Variants in SPEG observed in about 807,000 individuals in gnomAD.
SPEG encodes striated muscle preferentially expressed protein kinase.
Under a neutral mutation model 300.4 loss-of-function variants are expected in SPEG, and 114 were observed. The ratio of observed to expected loss-of-function variants is 0.38; its 90% CI spans 0.33 to 0.44. The LOEUF (loss-of-function observed/expected upper bound fraction) is 0.44, where lower values mean the gene tolerates loss of function less well. Among genes scored for constraint, SPEG ranks in the 20% least tolerant of loss-of-function variants. The probability of loss-of-function intolerance (pLI) is 1.00; values close to 1 mark genes in which losing one functional copy is unlikely to be tolerated. For synonymous variants in SPEG, 1,964 were observed against 2,018.9 expected, an observed-to-expected ratio of 0.97 and a Z score of 0.73; for missense variants, 4,201 against 4,586.2, an observed-to-expected ratio of 0.92 and a Z score of 2.43.
Position 219,449,220 on chromosome 2 carries a change from G to A in SPEG, c.2062G>A (p.Ala688Thr), listed in dbSNP as rs1238658493. Reference sequence around the variant, plus strand: ...CTGGGGGCCCTGGGACCGCCGAGGGGCCCGCAGCCAGGGCAAAGGTCGCCG... The same window carrying A: ...CTGGGGGCCCTGGGACCGCCGAGGGACCCGCAGCCAGGGCAAAGGTCGCCG... ...GPWGPWDRRG[A>T]RSQGKGRRAR... The change falls in exon 4 of 41, where the codon GCC (alanine) becomes ACC (threonine). Residue 688 changes from alanine to threonine, a missense_variant. By Grantham distance (58) the Ala-to-Thr change is moderately conservative (BLOSUM62 0). This residue lies in a region of SPEG where 1,258 missense variants were observed against 1,293.9 expected (regional missense o/e 0.97). Coordinates refer to ENST00000312358, the MANE Select transcript of SPEG (RefSeq NM_005876.5). 1 of 1,393,600 alleles carries A rather than the reference G, an allele frequency of 7.2e-7. No individual in the cohort carries two copies. The highest frequency in any genetic ancestry group is 3.1e-5 in the East Asian group (1 of 32,622). 86.3% of individuals were successfully genotyped at this position (1,393,600 alleles called of 1,614,324 possible). A position where few individuals can be genotyped will look rare whatever the true frequency, so the allele number is the denominator to read the frequency against.
chr2:219,449,692 C>G (rs1383143983), intron 4 of SPEG, among the ~76,000 whole-genome samples: 6 of 152,160 alleles, frequency 3.9e-5, no homozygotes, highest in Non-Finnish European at 2.9e-5. Context: ...GGTAGATGGT[C>G]TGAAATAATT....
At chr2:219,453,861 T>C (rs185306677) in intron 6 of SPEG, among the ~76,000 whole-genome samples, 10 of 151,828 alleles carry the variant, frequency 6.6e-5, no homozygotes, top group Non-Finnish European at 1.3e-4. Flanking sequence ...GCAGCAAAAG[T>C]GGGTGGAACC....
In SPEG at chr2:219,484,534, G is replaced by T. The variant is rs1034353403; in HGVS notation, c.7071G>T (p.Ser2357=). ...LGLRLLSRSR[S]EERGPFRGAE... The stretch of plus-strand genomic sequence containing the variant: ...TGCGGCTGCTGAGCCGTTCGCGCTC[G>T]GAGGAGCGCGGCCCCTTCCGTGGGG... Residue 2357 remains serine (S), a synonymous_variant, in exon 30 of 41, where the codon TCG becomes TCT. Coordinates refer to ENST00000312358, the MANE Select transcript of SPEG (RefSeq NM_005876.5). 4 of 1,596,172 alleles carry T rather than the reference G, an allele frequency of 2.5e-6. No individual in the cohort carries two copies. Among genetic ancestry groups the T allele is most frequent in the Non-Finnish European group, 3.4e-6 (4 of 1,174,498 alleles).
Position 219,479,785 on chromosome 2 carries a change from C to A in SPEG, c.5088C>A (p.Ile1696=), listed in dbSNP as rs767569536. The change falls in exon 24 of 41, where the codon ATC becomes ATA. Residue 1696 remains isoleucine (I), a splice_region_variant and synonymous_variant. Transcript: ENST00000312358. The surrounding 1 kb of genome is among the most constrained non-coding windows in gnomAD (Gnocchi z 5.5). ...CTCTGGGCCCACTATTTCCACAGAT[C>A]CGGGCCTATATGCGGCAGGTGCTAG... ...ARKPTVCESE[I]RAYMRQVLEG... is the part of the protein sequence containing the mutation. The A allele has an allele frequency of 2.5e-6, 4 of 1,613,828 alleles. No homozygotes were observed. In the South Asian group the frequency reaches 3.3e-5, roughly 13 times the overall value.
At chr2:219,482,530 G>A in intron 28 of SPEG, 1 of 497,652 alleles carries the variant, frequency 2.0e-6, no homozygotes, top group Non-Finnish European at 3.6e-6. Flanking sequence ...AAGCTCAGAA[G>A]CCTACCTAGG....
chr2:219,466,344 A>C, intron 9 of SPEG: 2 of 1,388,410 alleles, frequency 1.4e-6, no homozygotes, highest in Non-Finnish European at 1.9e-6. Context: ...AGGGGTATCA[A>C]CCCCCCGAGT....
At position 219,451,748 on chromosome 2, in the gene SPEG, C is replaced by T. The variant is rs201205287; in HGVS notation, c.2381C>T (p.Ala794Val). The change falls in exon 6 of 41, where the codon GCC becomes GTC. Residue 794 changes from alanine (A) to valine (V), a missense_variant. By Grantham distance (64) the Ala-to-Val change is moderately conservative. This residue lies in a region of SPEG where 1,258 missense variants were observed against 1,293.9 expected (regional missense o/e 0.97). Transcript: ENST00000312358. The surrounding 1 kb of genome is among the most constrained non-coding windows in gnomAD (Gnocchi z 6.4). Reference sequence around the variant, plus strand: ...GCAGCAGATGCCGGGAGCTATATGGCCACCGCCACCAACGAGCTGGGCCAG... The same window carrying T: ...GCAGCAGATGCCGGGAGCTATATGGTCACCGCCACCAACGAGCTGGGCCAG... ...ARAADAGSYM[A>V]TATNELGQAT... 1.6e-5 allele frequency: 25 copies of T among 1,557,954 alleles called. 1 individual carries two copies. The African/African-American group carries it at 3.1e-4, about 20-fold the overall frequency.
intron 8 of SPEG, among the ~76,000 whole-genome samples, chr2:219,463,362 T>C (rs1690919110): frequency 6.6e-6 from 1 of 151,372 alleles, no homozygotes. Flanking sequence ...CTGTTTTTCA[T>C]TTTTAATTGA....
At chr2:219,489,973 G>T in intron 36 of SPEG, 34 bp downstream of exon 36, 1 of 1,528,978 alleles carries the variant, frequency 6.5e-7, no homozygotes, top group South Asian at 1.3e-5. Context: ...GAGGACAGAG[G>T]GGAGTGGGCC....
At chr2:219,490,225 A>C (rs1693837629) in intron 36 of SPEG, among the ~76,000 whole-genome samples, 184 bp from the exon 37 acceptor site, 1 of 152,228 alleles carries the variant, frequency 6.6e-6, no homozygotes. Flanking sequence ...TACCTAAGGT[A>C]CAGAGCCAGT....
rs755021427 is a variant in SPEG, at chr2:219,444,852, C to A, written c.506C>A (p.Ser169Tyr). The A allele has an allele frequency of 1.9e-6, 3 of 1,578,176 alleles. No individual in the cohort carries two copies. Among genetic ancestry groups the A allele is most frequent in the Non-Finnish European group, 2.6e-6 (3 of 1,161,420 alleles). The part of the protein sequence containing the change: ...TGGSDTLVGT[S>Y]LDTPPTSVTG... ...GGTTCTGACACCCTGGTGGGCACCT[C>A]CCTGGACACACCCCCGACCTCCGTG... The change falls in exon 3 of 41, where the codon TCC becomes TAC. Residue 169 changes from serine (S) to tyrosine (Y), a missense_variant. Ser to Tyr is a moderately radical substitution (Grantham distance 144). Around this residue, in one of 4 missense-constraint regions of SPEG, gnomAD observed 1,258 missense variants for 1,293.9 expected, o/e 0.97. Coordinates refer to ENST00000312358, the MANE Select transcript of SPEG (RefSeq NM_005876.5). This position sits in a 1 kb window ranked among gnomAD's most constrained non-coding sequence, Gnocchi z 7.8.
chr2:219,460,836 G>A (rs1690616013), intron 6 of SPEG: 2 of 986,106 alleles, frequency 2.0e-6, no homozygotes, highest in Non-Finnish European at 2.4e-6. Flanking sequence ...GCCTCAGCTG[G>A]GTCAGCCGAG....
intron 3 of SPEG, among the ~76,000 whole-genome samples, chr2:219,446,904 T>C (rs566405215): frequency 1.3e-5 from 2 of 152,038 alleles, no homozygotes; most frequent in African/African-American, 4.8e-5. Context: ...TCAGGAAATA[T>C]TCAATGAGCC....
Position 219,484,124 on chromosome 2 carries a change from G to C in SPEG, c.6661G>C (p.Glu2221Gln), listed in dbSNP as rs1415078385. Residue 2221 changes from glutamate (E) to glutamine (Q), a missense_variant, in exon 30 of 41, where the codon GAA (glutamate) becomes CAA (glutamine). By Grantham distance (29) the Glu-to-Gln change is conservative. Coordinates refer to ENST00000312358, the MANE Select transcript of SPEG (RefSeq NM_005876.5). ...AGACAAGGCTCCAGAGCCCAGGCCA[G>C]AACCAGTCCGAGCCTCCAAGCCTGC... is the stretch of plus-strand genomic sequence containing the variant. Reference protein sequence around the residue: ...AQDKAPEPRPEPVRASKPAPP... With the variant: ...AQDKAPEPRPQPVRASKPAPP... The C allele has an allele frequency of 1.2e-6, 2 of 1,613,394 alleles. No homozygotes were observed. Among genetic ancestry groups the C allele is most frequent in the Middle Eastern group, 1.6e-4 (1 of 6,062 alleles).
Position 219,468,990 on chromosome 2 carries a change from G to T in SPEG, c.3433G>T (p.Ala1145Ser). 6.2e-7 allele frequency: 1 copy of T among 1,613,922 alleles called. No homozygotes were observed. Among genetic ancestry groups the T allele is most frequent in the South Asian group, 1.1e-5 (1 of 91,086 alleles). Reference sequence around the variant, plus strand: ...CAGTGCTGTTAACACCCATGGCCAGGCCCACTGCTCAGCCCAGCTGTATGT... The same window carrying T: ...CAGTGCTGTTAACACCCATGGCCAGTCCCACTGCTCAGCCCAGCTGTATGT... ...AVSAVNTHGQ[A>S]HCSAQLYVEE... The change falls in exon 12 of 41, where the codon GCC (alanine) becomes TCC (serine). Residue 1145 changes from alanine to serine, a missense_variant. By Grantham distance (99) the Ala-to-Ser change is moderately conservative. This residue lies in a region of SPEG where 1,047 missense variants were observed against 1,356.8 expected (regional missense o/e 0.77). Transcript: ENST00000312358.
chr2:219,486,532 G>A (rs1285854788), intron 31 of SPEG, among the ~76,000 whole-genome samples: 1 of 152,132 alleles, frequency 6.6e-6, no homozygotes, highest in Non-Finnish European at 1.5e-5. Flanking sequence ...AGGGTGGAGA[G>A]TGAGGGGGAA....
At position 219,467,304 on chromosome 2, in the gene SPEG, T is replaced by C; in HGVS notation, c.3012T>C (p.Arg1004=). Reference sequence around the variant, plus strand: ...ACGTGGAGGTGGATTGGCTGTGCCGTGGCCGCCTGCTGCAGCCTGCACTGC... The same window carrying C: ...ACGTGGAGGTGGATTGGCTGTGCCGCGGCCGCCTGCTGCAGCCTGCACTGC... The part of the protein sequence containing the change: ...PTDVEVDWLC[R]GRLLQPALLK... Residue 1004 remains arginine (R), a synonymous_variant, in exon 10 of 41, where the codon CGT becomes CGC. Coordinates refer to ENST00000312358, the MANE Select transcript of SPEG (RefSeq NM_005876.5). 6.2e-7 allele frequency: 1 copy of C among 1,610,940 alleles called. No homozygotes were observed. Among genetic ancestry groups the C allele is most frequent in the African/African-American group, 1.3e-5 (1 of 75,050 alleles).
At position 219,473,585 on chromosome 2, in the gene SPEG, C is replaced by A; in HGVS notation, c.4229C>A (p.Thr1410Asn). The change falls in exon 17 of 41, where the codon ACC (threonine) becomes AAC (asparagine). Residue 1410 changes from threonine to asparagine, a missense_variant. Thr to Asn is a moderately conservative substitution (Grantham distance 65). Transcript: ENST00000312358. The surrounding 1 kb of genome is among the most constrained non-coding windows in gnomAD (Gnocchi z 4.6). ...YVVEGQPASVTVTFNHVEAQV... is the reference protein window; with the variant it reads ...YVVEGQPASVNVTFNHVEAQV... ...GTGGAGGGACAGCCTGCCAGCGTCA[C>A]CGTCACATTCAACCATGTGGAGGCC... 6.2e-7 allele frequency: 1 copy of A among 1,614,238 alleles called. No homozygotes were observed.
Position 219,477,847 on chromosome 2 carries a change from A to G in SPEG, c.4827-58A>G. ...GAGGCTGCTGGGTCTGAGGGTTGGG[A>G]GGGGTGGAGAGGGCCACAGTGATGG... On this transcript the variant is annotated intron_variant, in intron 21 of 40. Transcript: ENST00000312358. This position sits in a 1 kb window ranked among gnomAD's most constrained non-coding sequence, Gnocchi z 6.4. The G allele has an allele frequency of 6.3e-7, 1 of 1,597,716 alleles. No individual in the cohort carries two copies. The highest frequency in any genetic ancestry group is 8.6e-7 in the Non-Finnish European group (1 of 1,167,524).
Sources: gnomAD v4.1 joint callset for allele counts (sites outside exome capture counted in the v4.1 genomes callset) on GRCh38, gnomAD v4.1.1 for gene constraint, gnomAD v4.1.1 regional missense constraint, Gnocchi (gnomAD v3.1) non-coding constraint, MANE v1.5 for transcripts, NCBI Gene and HGNC (gene_info 2026-07-23, HGNC 2026-07-21) for gene names.